ZSWIM6: variants seen among roughly 807,000 people sequenced by gnomAD.
ZSWIM6 encodes the protein zinc finger SWIM domain-containing protein 6.
In ZSWIM6, 9 loss-of-function variants were observed where a neutral mutation model predicts 113.2. That is an observed-to-expected ratio of 0.08 (90% CI 0.05 to 0.14). The LOEUF (loss-of-function observed/expected upper bound fraction) is 0.14, where lower values mean the gene tolerates loss of function less well. ZSWIM6 is among the 10% of genes least tolerant of loss of function. The pLI is 1.00. For synonymous variants in ZSWIM6, 611 were observed against 606.5 expected, an observed-to-expected ratio of 1.01 and a Z score of -0.11; for missense variants, 1,162 against 1,552.2, an observed-to-expected ratio of 0.75 and a Z score of 4.22.
intron 1 of ZSWIM6, among the ~76,000 whole-genome samples, chr5:61,401,960 C>G (rs1218986432): frequency 6.6e-6 from 1 of 152,002 alleles, no homozygotes; most frequent in Non-Finnish European, 1.5e-5. Flanking sequence ...ACTTGCATAT[C>G]TGTGTGCTTA....
chr5:61,445,749 A>T (rs1746937035), intron 1 of ZSWIM6, among the ~76,000 whole-genome samples: 1 of 152,232 alleles, frequency 6.6e-6, no homozygotes, highest in Non-Finnish European at 1.5e-5. Flanking sequence ...AAGAACAAAC[A>T]GCAGGTAAAT....
intron 1 of ZSWIM6, among the ~76,000 whole-genome samples, chr5:61,334,169 TC>T (rs1396282568): frequency 1.3e-5 from 2 of 152,188 alleles, no homozygotes; most frequent in Admixed American, 6.5e-5. Flanking sequence ...CTCTGACAGA[TC>T]CTGAGAGTTT....
chr5:61,539,001 G>A (rs947913099), intron 11 of ZSWIM6, 30 bp downstream of exon 11: 2 of 1,460,122 alleles, frequency 1.4e-6, no homozygotes, highest in Admixed American at 2.8e-5. Context: ...CCTCATAATT[G>A]TTTCATTCGT....
In ZSWIM6 at chr5:61,332,855, G is replaced by C. The variant is rs1378516846; in HGVS notation, c.583G>C (p.Gly195Arg). Residue 195 changes from glycine (G) to arginine (R), a missense_variant, in exon 1 of 14, where the codon GGG becomes CGG. Around this residue, in one of 4 missense-constraint regions of ZSWIM6, gnomAD observed 333 missense variants for 293.4 expected, o/e 1.13. Coordinates refer to ENST00000252744, the MANE Select transcript of ZSWIM6 (RefSeq NM_020928.2). ...GAGAPSVGAA[G>R]AADGGDETRL... ...CGGGGCCCCGTCGGTGGGGGCTGCCGGGGCGGCGGACGGCGGCGACGAGAC... is the reference window on the plus strand; with the variant it reads ...CGGGGCCCCGTCGGTGGGGGCTGCCCGGGCGGCGGACGGCGGCGACGAGAC... 5.9e-6 allele frequency: 7 copies of C among 1,180,534 alleles called. No individual in the cohort carries two copies. In the Admixed American group the frequency reaches 2.0e-4, roughly 33 times the overall value. 73.1% of individuals were successfully genotyped at this position (1,180,534 alleles called of 1,614,324 possible).
intron 10 of ZSWIM6, 117 bp from the exon 11 acceptor site, chr5:61,538,697 A>C (rs915804818): frequency 8.5e-7 from 1 of 1,174,674 alleles, no homozygotes; most frequent in South Asian, 1.6e-5. Context: ...CCCTTGCTGA[A>C]CTTGAGTAGA....
chr5:61,489,691 G>A (rs1748128417), intron 2 of ZSWIM6, among the ~76,000 whole-genome samples: 1 of 152,004 alleles, frequency 6.6e-6, no homozygotes, highest in Non-Finnish European at 1.5e-5. Flanking sequence ...GTGAGGACAG[G>A]AATTCTGTCT....
chr5:61,468,350 C>T (rs1290690874), intron 1 of ZSWIM6, among the ~76,000 whole-genome samples: 1 of 152,174 alleles, frequency 6.6e-6, no homozygotes, highest in Non-Finnish European at 1.5e-5. Flanking sequence ...AACAGTTTGA[C>T]TGCTCTGTGA....
At chr5:61,493,581 AG>A (rs1748238200) in intron 3 of ZSWIM6, among the ~76,000 whole-genome samples, 1 of 152,146 alleles carries the variant, frequency 6.6e-6, no homozygotes, top group African/African-American at 2.4e-5. Flanking sequence ...AATCAGTTGG[AG>A]AGTCAGGAAG....
At chr5:61,392,264 AT>A (rs1484797883) in intron 1 of ZSWIM6, among the ~76,000 whole-genome samples, 18 of 152,256 alleles carry the variant, frequency 1.2e-4, no homozygotes, top group Admixed American at 1.1e-3. Flanking sequence ...TGGTAGTTGC[AT>A]CCAAACTGGC....
intron 1 of ZSWIM6, among the ~76,000 whole-genome samples, chr5:61,419,896 T>G (rs1746323161): frequency 6.6e-6 from 1 of 152,242 alleles, no homozygotes; most frequent in Non-Finnish European, 1.5e-5. Flanking sequence ...GTTTCATCAA[T>G]AGAAATATCT....
chr5:61,485,054 G>T (rs1311285404), intron 2 of ZSWIM6, among the ~76,000 whole-genome samples: 2 of 152,054 alleles, frequency 1.3e-5, no homozygotes, highest in Non-Finnish European at 2.9e-5. Flanking sequence ...TTTTCCAGGG[G>T]GGAAAATGTA....
intron 1 of ZSWIM6, among the ~76,000 whole-genome samples, chr5:61,345,549 A>G (rs953242219): frequency 3.3e-5 from 5 of 152,226 alleles, no homozygotes; most frequent in Admixed American, 1.3e-4. Context: ...TAGTAATTGT[A>G]TTCTTTCTAT....
chr5:61,430,800 C>T (rs1229101107), intron 1 of ZSWIM6, among the ~76,000 whole-genome samples: 1 of 152,130 alleles, frequency 6.6e-6, no homozygotes, highest in Non-Finnish European at 1.5e-5. Context: ...ACTCCAGATA[C>T]CTTGATCATT....
At chr5:61,356,700 T>A (rs530039136) in intron 1 of ZSWIM6, among the ~76,000 whole-genome samples, 1,561 of 131,216 alleles carry the variant, frequency 0.012, 28 homozygotes, top group Non-Finnish European at 0.014. Flanking sequence ...TATACATATT[T>A]TATATATATA....
chr5:61,351,396 A>C (rs1442884149), intron 1 of ZSWIM6, among the ~76,000 whole-genome samples: 1 of 152,224 alleles, frequency 6.6e-6, no homozygotes, highest in Non-Finnish European at 1.5e-5. Flanking sequence ...AAGATGGAAG[A>C]AGATAGAACA....
chr5:61,338,023 C>T (rs984132479), intron 1 of ZSWIM6, among the ~76,000 whole-genome samples: 2 of 151,918 alleles, frequency 1.3e-5, no homozygotes, highest in African/African-American at 4.8e-5. Flanking sequence ...GAAGGAGATA[C>T]ATTTTAAAAG....
chr5:61,345,782 A>G (rs1744645438), intron 1 of ZSWIM6, among the ~76,000 whole-genome samples: 1 of 152,224 alleles, frequency 6.6e-6, no homozygotes, highest in Admixed American at 6.5e-5. Context: ...TAGAAATGGA[A>G]TCAAACTGAT....
At chr5:61,511,686 C>T (rs1475034371) in intron 4 of ZSWIM6, among the ~76,000 whole-genome samples, 1 of 152,128 alleles carries the variant, frequency 6.6e-6, no homozygotes, top group African/African-American at 2.4e-5. Flanking sequence ...CAAATTTGCA[C>T]CTTGATGTTG....
At chr5:61,521,200 T>C in intron 4 of ZSWIM6, 63 bp from the exon 5 acceptor site, 2 of 1,022,952 alleles carry the variant, frequency 2.0e-6, no homozygotes, top group Non-Finnish European at 2.5e-6. Context: ...ACAATTTAAC[T>C]TGATAAAATT....
Sources: gnomAD v4.1 joint callset for allele counts (sites outside exome capture counted in the v4.1 genomes callset) on GRCh38, gnomAD v4.1.1 for gene constraint, gnomAD v4.1.1 regional missense constraint, MANE v1.5 for transcripts, NCBI Gene and HGNC (gene_info 2026-07-23, HGNC 2026-07-21) for gene names.